Variants in JARID2 observed in about 807,000 individuals in gnomAD.
The protein encoded by JARID2 is jumonji and AT-rich interaction domain containing 2.
In JARID2, 21 loss-of-function variants were observed where a neutral mutation model predicts 125.6. The observed-to-expected ratio is 0.17, with a 90% confidence interval of 0.12 to 0.24. JARID2 has a LOEUF of 0.24. Ranked by LOEUF, JARID2 falls within the 10% of genes least tolerant of loss-of-function variation. The probability of loss-of-function intolerance (pLI) is 1.00; values close to 1 mark genes in which losing one functional copy is unlikely to be tolerated. For missense variants in JARID2, 1,303 were observed against 1,639.6 expected (o/e 0.79, Z 3.55); for synonymous variants, 736 against 661.6 (o/e 1.11, Z -1.73).
Position 15,502,281 on chromosome 6 carries a change from C to T in JARID2, c.2448+872C>T, listed in dbSNP as rs375275052. On this transcript the variant is annotated intron_variant, in intron 8 of 17. Transcript: ENST00000341776. ...TGAAGCAAGGCTTGGGGTTTCCTCC[C>T]TTCTCCAGCCTGCCAGTGGGTAGCG... 6.6e-5 allele frequency among the ~76,000 whole-genome samples: 10 copies of T among 152,366 alleles called. 1 individual carries two copies. In the East Asian group the frequency reaches 1.9e-3, roughly 29 times the overall value.
At chr6:15,264,771 A>G (rs1418931418) in intron 1 of JARID2, among the ~76,000 whole-genome samples, 1 of 152,198 alleles carries the variant, frequency 6.6e-6, no homozygotes, top group Non-Finnish European at 1.5e-5. Context: ...ACCTATACAC[A>G]TACTTGTGCC....
At chr6:15,348,238 C>T (rs1362723048) in intron 1 of JARID2, among the ~76,000 whole-genome samples, 2 of 151,616 alleles carry the variant, frequency 1.3e-5, no homozygotes, top group Admixed American at 1.3e-4. Flanking sequence ...ATTACAGCCG[C>T]CCGCCACCAC....
chr6:15,393,906 A>G (rs999423734), intron 2 of JARID2, among the ~76,000 whole-genome samples: 3 of 152,196 alleles, frequency 2.0e-5, no homozygotes, highest in African/African-American at 7.2e-5. Context: ...ATCAGCCTCC[A>G]AACAAAAAAA....
intron 5 of JARID2, among the ~76,000 whole-genome samples, chr6:15,486,058 G>T (rs1013423499): frequency 4.6e-5 from 7 of 152,190 alleles, no homozygotes; most frequent in Non-Finnish European, 7.3e-5. Flanking sequence ...CCAGATGCAT[G>T]AGTGGACACA....
chr6:15,353,726 G>A (rs955273140), intron 1 of JARID2, among the ~76,000 whole-genome samples: 2 of 151,422 alleles, frequency 1.3e-5, no homozygotes, highest in Non-Finnish European at 1.5e-5. Flanking sequence ...ACCTCTTCAG[G>A]ATTTCAATGC....
rs762232615 is a variant in JARID2 at position 15,496,207 on chromosome 6, G to A, written c.982G>A (p.Val328Ile). Reference protein sequence around the residue: ...GVTSAKKMREVRPSPSKTVKY... With the variant: ...GVTSAKKMREIRPSPSKTVKY... ...AACCAGTGCCAAAAAGATGCGCGAG[G>A]TCAGACCTTCACCATCCAAAACTGT... Residue 328 changes from valine (V) to isoleucine (I), a missense_variant, in exon 7 of 18, where the codon GTC becomes ATC. This residue lies in a region of JARID2 where 651 missense variants were observed against 581.6 expected (regional missense o/e 1.12). Coordinates refer to ENST00000341776, the MANE Select transcript of JARID2 (RefSeq NM_004973.4). The A allele has an allele frequency of 5.6e-6, 9 of 1,614,046 alleles. No individual in the cohort carries two copies. The highest frequency in any genetic ancestry group is 1.3e-5 in the African/African-American group (1 of 74,916).
intron 5 of JARID2, among the ~76,000 whole-genome samples, chr6:15,475,860 G>A (rs899308821): frequency 6.6e-6 from 1 of 152,152 alleles, no homozygotes; most frequent in Non-Finnish European, 1.5e-5. Context: ...TCTGACTTGG[G>A]TGAAGAAGGC....
intron 3 of JARID2, 139 bp downstream of exon 3, chr6:15,410,504 G>A (rs539170518): frequency 1.4e-5 from 11 of 777,500 alleles, no homozygotes; most frequent in East Asian, 1.1e-4. Context: ...ATGAGGTTTC[G>A]TATCAAATGC....
chr6:15,285,827 G>A (rs955663490), intron 1 of JARID2, among the ~76,000 whole-genome samples: 1 of 152,132 alleles, frequency 6.6e-6, no homozygotes, highest in Non-Finnish European at 1.5e-5. Flanking sequence ...AATTTGGAGA[G>A]CCTTTGGAAT....
intron 1 of JARID2, among the ~76,000 whole-genome samples, chr6:15,303,858 G>A (rs952677387): frequency 6.6e-6 from 1 of 152,156 alleles, no homozygotes. Flanking sequence ...TCACCTGGGC[G>A]AATCCTGGCT....
chr6:15,467,170 C>A (rs561150508), intron 4 of JARID2, among the ~76,000 whole-genome samples: 27 of 152,300 alleles, frequency 1.8e-4, no homozygotes, highest in African/African-American at 5.8e-4. Context: ...GCTTGGTTTG[C>A]CATCTCAGCT....
chr6:15,384,536 T>C (rs914461263), intron 2 of JARID2, among the ~76,000 whole-genome samples: 3 of 152,152 alleles, frequency 2.0e-5, no homozygotes, highest in African/African-American at 7.2e-5. Flanking sequence ...CTTGGAGTCA[T>C]CTGTTACTTC....
intron 4 of JARID2, among the ~76,000 whole-genome samples, chr6:15,466,002 C>T (rs774678628): frequency 6.6e-6 from 1 of 152,114 alleles, no homozygotes; most frequent in Non-Finnish European, 1.5e-5. Flanking sequence ...CGGGGTTTCA[C>T]CATATTGGCC....
intron 1 of JARID2, among the ~76,000 whole-genome samples, chr6:15,298,438 C>T (rs1330334072): frequency 6.6e-6 from 1 of 151,946 alleles, no homozygotes; most frequent in African/African-American, 2.4e-5. Context: ...GTAATCCCAG[C>T]ACTTTGGGAG....
intron 9 of JARID2, among the ~76,000 whole-genome samples, chr6:15,504,861 C>T (rs537992357): frequency 6.6e-6 from 1 of 152,306 alleles, no homozygotes; most frequent in African/African-American, 2.4e-5. Context: ...TCCCCTGCTC[C>T]CCGTCACTGT....
At chr6:15,341,029 A>G (rs1368962656) in intron 1 of JARID2, among the ~76,000 whole-genome samples, 2 of 152,168 alleles carry the variant, frequency 1.3e-5, no homozygotes, top group Non-Finnish European at 2.9e-5. Flanking sequence ...AAGAAGTGAA[A>G]CAAAAGAGAC....
rs760817551 is a variant in JARID2 at position 15,496,781 on chromosome 6, G to A, written c.1556G>A (p.Ser519Asn). The change falls in exon 7 of 18, where the codon AGC (serine) becomes AAC (asparagine). Residue 519 changes from serine (S) to asparagine (N), a missense_variant. By Grantham distance (46) the Ser-to-Asn change is conservative. Coordinates refer to ENST00000341776, the MANE Select transcript of JARID2 (RefSeq NM_004973.4). The part of the protein sequence containing the change: ...PGRQAHGKAD[S>N]ASCENRSTSQ... Reference sequence around the variant, plus strand: ...AGACAAGCACATGGCAAGGCGGACAGCGCCTCCTGTGAAAATCGTTCTACC... The same window carrying A: ...AGACAAGCACATGGCAAGGCGGACAACGCCTCCTGTGAAAATCGTTCTACC... 14 of 1,612,206 alleles carry A rather than the reference G, an allele frequency of 8.7e-6. No homozygotes were observed. The highest frequency in any genetic ancestry group is 1.7e-5 in the Admixed American group (1 of 59,830).
At chr6:15,487,240 A>G (rs1769915702) in intron 5 of JARID2, 67 bp from the exon 6 acceptor site, 6 of 1,345,258 alleles carry the variant, frequency 4.5e-6, no homozygotes, top group Non-Finnish European at 6.3e-6. Flanking sequence ...GAGCCAAACC[A>G]TATCAGTAGT....
chr6:15,279,393 G>C (rs1041631069), intron 1 of JARID2, among the ~76,000 whole-genome samples: 3 of 152,162 alleles, frequency 2.0e-5, no homozygotes, highest in Non-Finnish European at 4.4e-5. Context: ...CGGTGGGTAA[G>C]TTTTGTGAGC....
Sources: gnomAD v4.1 joint callset for allele counts (sites outside exome capture counted in the v4.1 genomes callset) on GRCh38, gnomAD v4.1.1 for gene constraint, gnomAD v4.1.1 regional missense constraint, MANE v1.5 for transcripts, NCBI Gene and HGNC (gene_info 2026-07-23, HGNC 2026-07-21) for gene names.